Variants in NHSL1 observed in about 807,000 individuals in gnomAD.
NHSL1 encodes NHS-like protein 1.
A neutral mutation model predicts 95.0 loss-of-function variants in NHSL1; 48 were observed. That is an observed-to-expected ratio of 0.51 (90% CI 0.40 to 0.64). The LOEUF is 0.64. Ranked by LOEUF, NHSL1 falls within the 30% of genes least tolerant of loss-of-function variation. The probability of loss-of-function intolerance (pLI) is 0.00; values close to 1 mark genes in which losing one functional copy is unlikely to be tolerated. For synonymous variants in NHSL1, 783 were observed against 833.9 expected (o/e 0.94, Z 1.05); for missense variants, 1,971 against 2,077.7 (o/e 0.95, Z 1.00).
At chr6:138,602,495 C>A (rs1456121812) in intron 1 of NHSL1, among the ~76,000 whole-genome samples, 2 of 152,086 alleles carry the variant, frequency 1.3e-5, no homozygotes, top group Non-Finnish European at 2.9e-5. Context: ...GCTCCTGCCA[C>A]CACGCCCAGC....
intron 1 of NHSL1, among the ~76,000 whole-genome samples, chr6:138,541,515 CT>C (rs1782580568): frequency 6.6e-6 from 1 of 152,176 alleles, no homozygotes; most frequent in Non-Finnish European, 1.5e-5. Context: ...TGGTTTACTT[CT>C]GTTATACTAA....
At chr6:138,505,780 T>G (rs1162931473) in intron 1 of NHSL1, among the ~76,000 whole-genome samples, 1 of 152,158 alleles carries the variant, frequency 6.6e-6, no homozygotes, top group African/African-American at 2.4e-5. Flanking sequence ...GGGCTGTGTA[T>G]TAAATGACCG....
At chr6:138,595,344 C>T (rs965037488) in intron 1 of NHSL1, among the ~76,000 whole-genome samples, 1 of 152,102 alleles carries the variant, frequency 6.6e-6, no homozygotes, top group African/African-American at 2.4e-5. Flanking sequence ...GAGGCCAAGG[C>T]AGGAGGGTCA....
At chr6:138,487,877 A>G (rs1004421267) in intron 2 of NHSL1, among the ~76,000 whole-genome samples, 1 of 152,242 alleles carries the variant, frequency 6.6e-6, no homozygotes, top group African/African-American at 2.4e-5. Context: ...CTTTTTCAGA[A>G]TAACATAGCA....
At chr6:138,668,585 A>G (rs1261132656) in intron 1 of NHSL1, among the ~76,000 whole-genome samples, 1 of 152,184 alleles carries the variant, frequency 6.6e-6, no homozygotes, top group Non-Finnish European at 1.5e-5. Flanking sequence ...CTTTTTTAAA[A>G]GGAAAGAAAA....
chr6:138,494,597 A>G (rs1219973518), intron 2 of NHSL1, among the ~76,000 whole-genome samples: 2 of 152,154 alleles, frequency 1.3e-5, no homozygotes, highest in African/African-American at 4.8e-5. Context: ...AGAATGAATC[A>G]CTTCATAAGT....
intron 1 of NHSL1, among the ~76,000 whole-genome samples, chr6:138,649,063 G>T (rs1035151414): frequency 6.6e-6 from 1 of 152,166 alleles, no homozygotes; most frequent in Non-Finnish European, 1.5e-5. Flanking sequence ...AGCTGAACAA[G>T]GGAAATGATA....
intron 5 of NHSL1, among the ~76,000 whole-genome samples, chr6:138,437,835 G>C (rs1293951039): frequency 6.6e-6 from 1 of 152,172 alleles, no homozygotes; most frequent in Non-Finnish European, 1.5e-5. Context: ...GGTAGAAACA[G>C]CAAGGAACTA....
intron 7 of NHSL1, among the ~76,000 whole-genome samples, chr6:138,427,439 G>GT (rs1187043185): frequency 8.0e-4 from 119 of 148,678 alleles, no homozygotes; most frequent in African/African-American, 2.8e-3. Flanking sequence ...GTGAGACTCT[G>GT]TATCAAAAAG....
chr6:138,477,335 C>A (rs1376724355), intron 2 of NHSL1, among the ~76,000 whole-genome samples: 1 of 152,198 alleles, frequency 6.6e-6, no homozygotes, highest in Non-Finnish European at 1.5e-5. Context: ...CATAGTGGGT[C>A]ACACCTGTAA....
chr6:138,485,184 G>A (rs1562317295), intron 2 of NHSL1, among the ~76,000 whole-genome samples: 2 of 152,174 alleles, frequency 1.3e-5, no homozygotes, highest in African/African-American at 2.4e-5. Flanking sequence ...GGGAGACTTC[G>A]GTTGTATCGT....
At chr6:138,495,039 T>C (rs1780269809) in intron 2 of NHSL1, among the ~76,000 whole-genome samples, 1 of 152,072 alleles carries the variant, frequency 6.6e-6, no homozygotes. Flanking sequence ...GGTCAGGAGT[T>C]TGAGACTAGC....
chr6:138,673,354 C>T (rs1038424443), intron 1 of NHSL1, among the ~76,000 whole-genome samples: 4 of 151,278 alleles, frequency 2.6e-5, no homozygotes, highest in Admixed American at 6.6e-5. Flanking sequence ...TTTGTCCTGC[C>T]CCATTAATAT....
chr6:138,603,824 T>C (rs774862015), intron 1 of NHSL1, among the ~76,000 whole-genome samples: 65 of 152,350 alleles, frequency 4.3e-4, no homozygotes, highest in Non-Finnish European at 7.2e-4. Flanking sequence ...GTTTTCATTT[T>C]TCTTTAAGAG....
At position 138,496,227 on chromosome 6, in the gene NHSL1, A is replaced by C; in HGVS notation, c.203T>G (p.Val68Gly). The change falls in exon 2 of 8, where the codon GTA (valine) becomes GGA (glycine). Residue 68 changes from valine to glycine, a missense_variant. Physicochemically the swap from Val to Gly is moderately radical, Grantham distance 109. Coordinates refer to ENST00000343505, the MANE Select transcript of NHSL1 (RefSeq NM_001144060.2). ...AGAGGATGCCATCTTACCCCTCAGTACTGATTTGAGGTTGAGCTTGGCTTG... is the reference window on the plus strand; with the variant it reads ...AGAGGATGCCATCTTACCCCTCAGTCCTGATTTGAGGTTGAGCTTGGCTTG... ...HRQAKLNLKS[V>G]LRECDKLRHD... 6.4e-7 allele frequency: 1 copy of C among 1,551,034 alleles called. No homozygotes were observed. The highest frequency in any genetic ancestry group is 8.7e-7 in the Non-Finnish European group (1 of 1,146,734).
chr6:138,619,446 A>T (rs1583452379), intron 1 of NHSL1, among the ~76,000 whole-genome samples: 1 of 152,232 alleles, frequency 6.6e-6, no homozygotes, highest in East Asian at 1.9e-4. Flanking sequence ...AAAGCTAATT[A>T]ATTTAGAAGT....
intron 5 of NHSL1, among the ~76,000 whole-genome samples, chr6:138,439,873 T>A (rs1238464530): frequency 2.0e-5 from 3 of 152,166 alleles, no homozygotes; most frequent in African/African-American, 7.2e-5. Context: ...GAGATTTTAA[T>A]CACTGATTTA....
At chr6:138,536,384 G>A (rs188330743) in intron 1 of NHSL1, among the ~76,000 whole-genome samples, 8 of 152,220 alleles carry the variant, frequency 5.3e-5, no homozygotes, top group Non-Finnish European at 7.4e-5. Context: ...AAGCAGAAAC[G>A]ACACTGGATG....
chr6:138,481,063 C>G, intron 2 of NHSL1, among the ~76,000 whole-genome samples: 1 of 152,284 alleles, frequency 6.6e-6, no homozygotes, highest in Middle Eastern at 3.4e-3. Flanking sequence ...AAAACTTCAT[C>G]TTAGTCCAGA....
Sources: allele counts gnomAD v4.1 joint callset (sites outside exome capture counted in the v4.1 genomes callset), GRCh38; gene constraint gnomAD v4.1.1; transcripts MANE v1.5; gene names NCBI Gene and HGNC (gene_info 2026-07-23, HGNC 2026-07-21).